C16orf87: variants seen among roughly 807,000 people sequenced by gnomAD.
The protein encoded by C16orf87 is UPF0547 protein C16orf87.
C16orf87 carries 13 observed loss-of-function variants against 21.0 expected under a neutral mutation model. That is an observed-to-expected ratio of 0.62 (90% CI 0.40 to 0.98). The LOEUF (loss-of-function observed/expected upper bound fraction) is 0.98, where lower values mean the gene tolerates loss of function less well. C16orf87 is among the 50% of genes least tolerant of loss of function. C16orf87 has a pLI of 0.00. For missense variants in C16orf87, 113 were observed against 180.4 expected, an observed-to-expected ratio of 0.63 and a Z score of 2.14; for synonymous variants, 49 against 60.2, an observed-to-expected ratio of 0.81 and a Z score of 0.86.
rs186897583 is a variant in C16orf87, at chr16:46,823,876, G to A, written c.163+510C>T. Among the ~76,000 whole-genome samples, 81 of 152,232 alleles carry A rather than the reference G, an allele frequency of 5.3e-4. 1 individual carries two copies. The highest frequency in any genetic ancestry group is 6.8e-3 in the Middle Eastern group (2 of 294). On this transcript the variant is annotated intron_variant, in intron 2 of 3. Coordinates refer to ENST00000285697, the MANE Select transcript of C16orf87 (RefSeq NM_001001436.4). ...ACATACTATATGATTCCATAAATAC[G>A]AACAGTAACAGAAAGCAGATCTGTG... is the stretch of plus-strand genomic sequence containing the variant.
rs1299518642 is a variant in C16orf87, at chr16:46,797,058, A to G, written c.*5894T>C. The G allele has an allele frequency of 2.0e-5, 3 of 152,266 alleles. No individual in the cohort carries two copies. Among genetic ancestry groups the G allele is most frequent in the African/African-American group, 7.2e-5 (3 of 41,476 alleles). The allele number at this position is 152,266 out of a possible 1,614,324, so 9.4% of individuals were successfully genotyped here. ...ACCATGGAGGCTGAAAGAACTGTCA[A>G]CACAGTAGTTTATATCCAGCAAAAA... On this transcript the variant is annotated 3_prime_UTR_variant, in exon 4 of 4. Transcript: ENST00000285697.
At chr16:46,827,275 T>C (rs1399739502) in intron 1 of C16orf87, among the ~76,000 whole-genome samples, 1 of 152,068 alleles carries the variant, frequency 6.6e-6, no homozygotes, top group East Asian at 1.9e-4. Context: ...ACCACCACCA[T>C]CACCACCCTA....
chr16:46,807,665 T>A (rs1198404938), intron 3 of C16orf87, among the ~76,000 whole-genome samples: 1 of 152,186 alleles, frequency 6.6e-6, no homozygotes. Flanking sequence ...AAAAGTGTAA[T>A]GACTTCATGG....
At chr16:46,805,111 C>T (rs1002324343) in intron 3 of C16orf87, among the ~76,000 whole-genome samples, 58 of 152,072 alleles carry the variant, frequency 3.8e-4, no homozygotes, top group African/African-American at 1.3e-3. Context: ...ATTTGTAGGC[C>T]CTTTTAACAA....
In C16orf87 at chr16:46,798,880, C is replaced by T. The variant is rs1967696045; in HGVS notation, c.*4072G>A. ...TCTGTTCCTGACAGAAAACTTCCAA[C>T]AAGCAGAAATAAAAGAGTCTACCCT... is the stretch of plus-strand genomic sequence containing the variant. On this transcript the variant is annotated 3_prime_UTR_variant, in exon 4 of 4. Coordinates refer to ENST00000285697, the MANE Select transcript of C16orf87 (RefSeq NM_001001436.4). 3 of 151,978 alleles carry T rather than the reference C, an allele frequency of 2.0e-5. No homozygotes were observed. The South Asian group carries it at 6.2e-4, about 32-fold the overall frequency. 9.4% of individuals were successfully genotyped at this position (151,978 alleles called of 1,614,324 possible).
At chr16:46,829,278 G>C (rs1276258360) in intron 1 of C16orf87, among the ~76,000 whole-genome samples, 4 of 152,164 alleles carry the variant, frequency 2.6e-5, no homozygotes. Flanking sequence ...CCAAAGCTGG[G>C]TAAGCTGATT....
chr16:46,828,503 C>G (rs1037625068), intron 1 of C16orf87, among the ~76,000 whole-genome samples: 1 of 152,034 alleles, frequency 6.6e-6, no homozygotes, highest in African/African-American at 2.4e-5. Flanking sequence ...GGATATGAAA[C>G]CCCTTGAAAA....
chr16:46,807,179 G>A (rs534839341), intron 3 of C16orf87, among the ~76,000 whole-genome samples: 1 of 152,348 alleles, frequency 6.6e-6, no homozygotes, highest in South Asian at 2.1e-4. Context: ...GCTCATGCAT[G>A]CCTGCAATCC....
At chr16:46,821,103 T>C (rs1959396566) in intron 2 of C16orf87, among the ~76,000 whole-genome samples, 1 of 152,236 alleles carries the variant, frequency 6.6e-6, no homozygotes, top group East Asian at 1.9e-4. Flanking sequence ...TACCATGGGA[T>C]TATCCAAGGC....
chr16:46,827,337 C>A (rs1362791716), intron 1 of C16orf87, among the ~76,000 whole-genome samples: 1 of 152,076 alleles, frequency 6.6e-6, no homozygotes, highest in Non-Finnish European at 1.5e-5. Flanking sequence ...GTAATATTAA[C>A]CTCATTTCAT....
At chr16:46,826,087 T>C (rs539749931) in intron 1 of C16orf87, among the ~76,000 whole-genome samples, 2 of 152,216 alleles carry the variant, frequency 1.3e-5, no homozygotes, top group South Asian at 4.1e-4. Context: ...ATATCTTAGT[T>C]CCAGGAATGA....
intron 2 of C16orf87, among the ~76,000 whole-genome samples, chr16:46,818,998 T>C (rs1318948354): frequency 1.3e-5 from 2 of 152,246 alleles, no homozygotes; most frequent in Non-Finnish European, 2.9e-5. Flanking sequence ...GTAAATGACT[T>C]TGTAACCTTA....
At chr16:46,820,257 T>C (rs890479737) in intron 2 of C16orf87, among the ~76,000 whole-genome samples, 1 of 152,226 alleles carries the variant, frequency 6.6e-6, no homozygotes, top group Non-Finnish European at 1.5e-5. Context: ...ATTTTAAAAA[T>C]ATCTTTTACA....
intron 3 of C16orf87, among the ~76,000 whole-genome samples, chr16:46,806,118 G>A (rs1006819335): frequency 3.3e-5 from 5 of 152,098 alleles, no homozygotes; most frequent in African/African-American, 1.2e-4. Context: ...TCTACTTCCA[G>A]ACATAACTGA....
At chr16:46,830,991 C>T in intron 1 of C16orf87, 93 bp downstream of exon 1, 1 of 996,144 alleles carries the variant, frequency 1.0e-6, no homozygotes, top group East Asian at 3.4e-5. Flanking sequence ...CTGCCCACCG[C>T]TCGGCCTCCG....
At chr16:46,807,044 A>G (rs907317816) in intron 3 of C16orf87, among the ~76,000 whole-genome samples, 1 of 152,268 alleles carries the variant, frequency 6.6e-6, no homozygotes, top group African/African-American at 2.4e-5. Flanking sequence ...TCAAAAGTTC[A>G]TGTTAGATTG....
intron 2 of C16orf87, among the ~76,000 whole-genome samples, chr16:46,815,778 G>A (rs1029503289): frequency 2.0e-5 from 3 of 152,120 alleles, no homozygotes; most frequent in African/African-American, 2.4e-5. Context: ...TAGAGAAACC[G>A]GAAGGAACAT....
intron 3 of C16orf87, among the ~76,000 whole-genome samples, chr16:46,803,369 C>T (rs531262949): frequency 1.3e-5 from 2 of 152,278 alleles, no homozygotes; most frequent in South Asian, 4.1e-4. Flanking sequence ...AATGAATTTT[C>T]TCTGCTAGAC....
At chr16:46,810,853 C>T (rs1161679685) in intron 2 of C16orf87, among the ~76,000 whole-genome samples, 2 of 152,086 alleles carry the variant, frequency 1.3e-5, no homozygotes, top group Admixed American at 6.5e-5. Context: ...GAGGCTCCCA[C>T]TATTACAGGA....
Sources: allele counts gnomAD v4.1 joint callset (sites outside exome capture counted in the v4.1 genomes callset), GRCh38; gene constraint gnomAD v4.1.1; transcripts MANE v1.5; gene names NCBI Gene and HGNC (gene_info 2026-07-23, HGNC 2026-07-21).